Variants in OR5V1 observed in about 807,000 individuals in gnomAD.
OR5V1 encodes olfactory receptor family 5 subfamily V member 1.
For synonymous variants in OR5V1, 134 were observed against 143.2 expected, an observed-to-expected ratio of 0.94 and a Z score of 0.46; for missense variants, 365 against 371.5, an observed-to-expected ratio of 0.98 and a Z score of 0.14.
At chr6:29,364,719 A>C (rs1778763294) in intron 1 of OR5V1, among the ~76,000 whole-genome samples, 1 of 46,968 alleles carries the variant, frequency 2.1e-5, no homozygotes, top group Non-Finnish European at 4.9e-5. Flanking sequence ...AATGGCGTGA[A>C]CCCGGGAGGC....
chr6:29,354,294 C>T lies in OR5V1; in HGVS notation c.*936G>A, dbSNP rs959572546. The T allele has an allele frequency of 3.9e-5, 6 of 151,910 alleles. No homozygotes were observed. Among genetic ancestry groups the T allele is most frequent in the African/African-American group, 1.2e-4 (5 of 41,384 alleles). The allele number at this position is 151,910 out of a possible 1,614,324, so 9.4% of individuals were successfully genotyped here. On this transcript the variant is annotated 3_prime_UTR_variant, in exon 2 of 2. Coordinates refer to ENST00000641768, the MANE Select transcript of OR5V1 (RefSeq NM_030876.6). The stretch of plus-strand genomic sequence containing the variant: ...AGTGTCTGTATTTATTTCTCTCTTC[C>T]ACCACTTAGTCTTCCTTCCCATTTG...
Position 29,355,419 on chromosome 6 carries a change from A to G in OR5V1, c.777T>C (p.Tyr259=). Residue 259 remains tyrosine (Y), a synonymous_variant, in exon 2 of 2, where the codon TAT becomes TAC. Coordinates refer to ENST00000641768, the MANE Select transcript of OR5V1 (RefSeq NM_030876.6). ...FLFYGSAIFT[Y]VRPISTYSLK... Reference sequence around the variant, plus strand: ...ATGAGTAAGTTGAGATGGGCCGTACATATGTAAAGATGGCGCTGCCATAAA... The same window carrying G: ...ATGAGTAAGTTGAGATGGGCCGTACGTATGTAAAGATGGCGCTGCCATAAA... 6.2e-7 allele frequency: 1 copy of G among 1,614,054 alleles called. No homozygotes were observed. The highest frequency in any genetic ancestry group is 8.5e-7 in the Non-Finnish European group (1 of 1,179,916).
At position 29,355,877 on chromosome 6, in the gene OR5V1, A is replaced by G. The variant is rs777739188; in HGVS notation, c.319T>C (p.Phe107Leu). The G allele has an allele frequency of 2.2e-5, 35 of 1,613,954 alleles. No individual in the cohort carries two copies. The highest frequency in any genetic ancestry group is 2.6e-5 in the Non-Finnish European group (31 of 1,179,972). ...CVVQLFAFVF[F>L]VGSECLLLAA... Reference sequence around the variant, plus strand: ...AGTAGGAGACACTCTGATCCTACAAAGAAAACAAATGCAAAAAGTTGAACC... The same window carrying G: ...AGTAGGAGACACTCTGATCCTACAAGGAAAACAAATGCAAAAAGTTGAACC... Residue 107 changes from phenylalanine (F) to leucine (L), a missense_variant, in exon 2 of 2, where the codon TTT becomes CTT. Coordinates refer to ENST00000641768, the MANE Select transcript of OR5V1 (RefSeq NM_030876.6).
chr6:29,365,228 C>T (rs1778791638), intron 1 of OR5V1, among the ~76,000 whole-genome samples: 1 of 151,562 alleles, frequency 6.6e-6, no homozygotes, highest in African/African-American at 2.4e-5. Flanking sequence ...CCATTCAGGA[C>T]ATAGGCATGG....
chr6:29,360,154 T>G (rs1024691795), intron 1 of OR5V1, among the ~76,000 whole-genome samples: 2 of 152,210 alleles, frequency 1.3e-5, no homozygotes, highest in Non-Finnish European at 2.9e-5. Context: ...CCTGGAAGTT[T>G]GGACTGGGTG....
At chr6:29,358,852 G>C (rs1778437024) in intron 1 of OR5V1, among the ~76,000 whole-genome samples, 1 of 152,188 alleles carries the variant, frequency 6.6e-6, no homozygotes, top group Non-Finnish European at 1.5e-5. Flanking sequence ...TTACACAGGA[G>C]AAGTAACTTC....
intron 1 of OR5V1, among the ~76,000 whole-genome samples, chr6:29,367,841 T>C (rs116336555): frequency 0.023 from 3,527 of 152,296 alleles, 174 homozygotes; most frequent in Non-Finnish European, 0.021. Context: ...GGAAAATTAC[T>C]GCTTTTCCAA....
intron 1 of OR5V1, among the ~76,000 whole-genome samples, chr6:29,368,233 T>G (rs543287274): frequency 5.6e-4 from 85 of 152,320 alleles, no homozygotes; most frequent in African/African-American, 1.9e-3. Flanking sequence ...CATGCAAGGT[T>G]ATTAGATCCA....
rs907786914 is a variant in OR5V1 at position 29,355,440 on chromosome 6, A to T, written c.756T>A (p.Tyr252Ter). 1 of 1,614,084 alleles carries T rather than the reference A, an allele frequency of 6.2e-7. No individual in the cohort carries two copies. The highest frequency in any genetic ancestry group is 1.1e-5 in the South Asian group (1 of 91,088). Residue 252 changes from tyrosine to a stop codon, truncating the protein, a stop_gained, in exon 2 of 2, where the codon TAT becomes TAA. Transcript: ENST00000641768. LOFTEE classifies it low-confidence loss of function (END_TRUNC). ...GTACATATGTAAAGATGGCGCTGCC[A>T]TAAAAGAGAAAGACAATGGCCAGGT... ...ASHLAIVFLF[Y>*]GSAIFTYVRP... is the part of the protein sequence containing the mutation.
At position 29,355,555 on chromosome 6, in the gene OR5V1, AT is replaced by A; in HGVS notation, c.640del (p.Ile214SerfsTer8). 3.1e-6 allele frequency: 5 copies of A among 1,614,058 alleles called. No individual in the cohort carries two copies. Among genetic ancestry groups the A allele is most frequent in the Non-Finnish European group, 4.2e-6 (5 of 1,179,934 alleles). On this transcript the variant is annotated frameshift_variant, in exon 2 of 2. Transcript: ENST00000641768. LOFTEE classifies it low-confidence loss of function (END_TRUNC). ...GATTATGCAAATGTAGGAAAGTACG[AT>A]ACAAAGGAAAGGAGTCCAACCAATG... ...VFIGWTPFLC[I>X]VLSYICIIST... is the part of the protein sequence containing the mutation.
At chr6:29,359,772 T>C (rs1177309869) in intron 1 of OR5V1, among the ~76,000 whole-genome samples, 1 of 152,176 alleles carries the variant, frequency 6.6e-6, no homozygotes, top group African/African-American at 2.4e-5. Context: ...CCACGGTTTT[T>C]GCAATCCGCA....
At chr6:29,367,138 A>T (rs1778892713) in intron 1 of OR5V1, among the ~76,000 whole-genome samples, 1 of 152,062 alleles carries the variant, frequency 6.6e-6, no homozygotes, top group South Asian at 2.1e-4. Flanking sequence ...AATTTTAGTC[A>T]TTTTTTTATC....
At position 29,366,816 on chromosome 6, in the gene OR5V1, T is replaced by C. The variant is rs143323705; in HGVS notation, c.-83+1816A>G. On this transcript the variant is annotated intron_variant, in intron 1 of 1. Coordinates refer to ENST00000641768, the MANE Select transcript of OR5V1 (RefSeq NM_030876.6). ...TAGGTCATTATGAGATGGTATCAGC[T>C]GTCCAGTTCTCAAAATAGCGAAGGA... Among the ~76,000 whole-genome samples, 1,160 of 152,314 alleles carry C rather than the reference T, an allele frequency of 7.6e-3. 12 individuals carry two copies. Among genetic ancestry groups the C allele is most frequent in the African/African-American group, 0.021 (854 of 41,566 alleles).
chr6:29,368,507 T>G (rs964111293), intron 1 of OR5V1, 125 bp downstream of exon 1: 8 of 152,162 alleles, frequency 5.3e-5, no homozygotes, highest in Non-Finnish European at 8.8e-5. Context: ...CCTTTGGAAC[T>G]CCTCAGGTCA....
At chr6:29,363,611 C>T (rs534407548) in intron 1 of OR5V1, among the ~76,000 whole-genome samples, 7 of 152,212 alleles carry the variant, frequency 4.6e-5, no homozygotes, top group African/African-American at 7.2e-5. Context: ...ACAATCAAGT[C>T]GGCTTCATAC....
At chr6:29,368,397 T>A (rs1249191698) in intron 1 of OR5V1, among the ~76,000 whole-genome samples, 1 of 152,118 alleles carries the variant, frequency 6.6e-6, no homozygotes, top group African/African-American at 2.4e-5. Context: ...CTATTCTGAA[T>A]GACATAAAAA....
intron 1 of OR5V1, among the ~76,000 whole-genome samples, chr6:29,366,747 A>G (rs1009875594): frequency 6.6e-6 from 1 of 152,206 alleles, no homozygotes; most frequent in Non-Finnish European, 1.5e-5. Flanking sequence ...ACCATTCCTC[A>G]TGAGAAAAGC....
chr6:29,355,544 A>G lies in OR5V1; in HGVS notation c.652T>C (p.Tyr218His). ...WTPFLCIVLS[Y>H]ICIISTILRI... ...AAGATGGTGGAGATTATGCAAATGT[A>G]GGAAAGTACGATACAAAGGAAAGGA... The change falls in exon 2 of 2, where the codon TAC becomes CAC. Residue 218 changes from tyrosine (Y) to histidine (H), a missense_variant. By Grantham distance (83) the Tyr-to-His change is moderately conservative. Transcript: ENST00000641768. 1 of 1,614,072 alleles carries G rather than the reference A, an allele frequency of 6.2e-7. No homozygotes were observed. Among genetic ancestry groups the G allele is most frequent in the Non-Finnish European group, 8.5e-7 (1 of 1,179,924 alleles).
intron 1 of OR5V1, among the ~76,000 whole-genome samples, chr6:29,360,064 G>A (rs1255626866): frequency 6.6e-6 from 1 of 152,214 alleles, no homozygotes; most frequent in Non-Finnish European, 1.5e-5. Flanking sequence ...GACCCTGGAT[G>A]ATCGAGCTTG....
Sources: allele counts gnomAD v4.1 joint callset (sites outside exome capture counted in the v4.1 genomes callset), GRCh38; gene constraint gnomAD v4.1.1; transcripts MANE v1.5; gene names NCBI Gene and HGNC (gene_info 2026-07-23, HGNC 2026-07-21).